PHLPP1: variants seen among roughly 807,000 people sequenced by gnomAD.
The protein encoded by PHLPP1 is PH domain leucine-rich repeat-containing protein phosphatase 1.
PHLPP1 carries 42 observed loss-of-function variants against 117.2 expected under a neutral mutation model. The ratio of observed to expected loss-of-function variants is 0.36; its 90% CI spans 0.28 to 0.46. The LOEUF (loss-of-function observed/expected upper bound fraction) is 0.46, where lower values mean the gene tolerates loss of function less well. Among genes scored for constraint, PHLPP1 ranks in the 20% least tolerant of loss-of-function variants. PHLPP1 has a pLI of 1.00. For missense variants in PHLPP1, 2,084 were observed against 2,241.9 expected, an observed-to-expected ratio of 0.93 and a Z score of 1.42; for synonymous variants, 1,042 against 970.7, an observed-to-expected ratio of 1.07 and a Z score of -1.37.
intron 1 of PHLPP1, among the ~76,000 whole-genome samples, chr18:62,773,884 T>C (rs1912871774): frequency 6.6e-6 from 1 of 152,214 alleles, no homozygotes; most frequent in South Asian, 2.1e-4. Flanking sequence ...GCCTGTTTCC[T>C]GGCTTATAGT....
chr18:62,857,081 T>G (rs1185232956), intron 3 of PHLPP1, among the ~76,000 whole-genome samples: 1 of 148,636 alleles, frequency 6.7e-6, no homozygotes, highest in African/African-American at 2.5e-5. Context: ...CTAGTAGATA[T>G]TCAGTAAACA....
intron 1 of PHLPP1, among the ~76,000 whole-genome samples, chr18:62,789,770 A>C (rs1014576925): frequency 2.0e-5 from 3 of 152,194 alleles, no homozygotes; most frequent in Non-Finnish European, 4.4e-5. Flanking sequence ...TGAGTGATGA[A>C]GGCAAGTAGT....
chr18:62,734,018 C>T (rs911461973), intron 1 of PHLPP1, among the ~76,000 whole-genome samples: 7 of 152,090 alleles, frequency 4.6e-5, no homozygotes, highest in African/African-American at 1.7e-4. Context: ...AGCAAATATT[C>T]GTTTTGATTT....
chr18:62,782,411 C>T lies in PHLPP1; in HGVS notation c.1577-47624C>T, dbSNP rs956734107. ...GATTTTTTAATTGGGTGGAATAATT[C>T]AGGGTTGCCACACAATATTATCACC... On this transcript the variant is annotated intron_variant, in intron 1 of 16. Transcript: ENST00000262719. 2.0e-5 allele frequency among the ~76,000 whole-genome samples: 3 copies of T among 152,154 alleles called. No homozygotes were observed. In the South Asian group the frequency reaches 6.2e-4, roughly 32 times the overall value.
In PHLPP1 at chr18:62,963,389, T is replaced by A. The variant is rs376948457; in HGVS notation, c.3477T>A (p.Ile1159=). 1.2e-6 allele frequency: 2 copies of A among 1,612,794 alleles called. No homozygotes were observed. Among genetic ancestry groups the A allele is most frequent in the Non-Finnish European group, 1.7e-6 (2 of 1,179,120 alleles). The change falls in exon 14 of 17, where the codon ATT becomes ATA. Residue 1159 remains isoleucine (I), a synonymous_variant. Coordinates refer to ENST00000262719, the MANE Select transcript of PHLPP1 (RefSeq NM_194449.4). ...TTAGTAATATCCGCTGTTTCAAGAT[T>A]GATCAGCCTTCTACAGGAGACGCTT... ...ELLNNIRCFK[I]DQPSTGDASG...
At chr18:62,931,269 A>G (rs1439014403) in intron 10 of PHLPP1, among the ~76,000 whole-genome samples, 2 of 152,186 alleles carry the variant, frequency 1.3e-5, no homozygotes, top group East Asian at 3.9e-4. Context: ...TGACTTTGGA[A>G]TAAACACAAA....
chr18:62,944,797 T>C (rs1860966665), intron 11 of PHLPP1, among the ~76,000 whole-genome samples: 1 of 152,206 alleles, frequency 6.6e-6, no homozygotes, highest in South Asian at 2.1e-4. Flanking sequence ...GTGTTTTCAT[T>C]AGTGTTCAGA....
At chr18:62,784,077 G>C (rs1316969127) in intron 1 of PHLPP1, among the ~76,000 whole-genome samples, 1 of 151,442 alleles carries the variant, frequency 6.6e-6, no homozygotes, top group Non-Finnish European at 1.5e-5. Context: ...AAGACGATGG[G>C]GAGTATTTTG....
intron 13 of PHLPP1, 56 bp downstream of exon 13, chr18:62,958,815 A>G: frequency 1.9e-6 from 3 of 1,590,220 alleles, no homozygotes; most frequent in South Asian, 1.1e-5. Flanking sequence ...AATGGGATTC[A>G]TATCTTAGTG....
At chr18:62,872,042 C>T (rs1915918754) in intron 4 of PHLPP1, among the ~76,000 whole-genome samples, 1 of 152,180 alleles carries the variant, frequency 6.6e-6, no homozygotes, top group Non-Finnish European at 1.5e-5. Flanking sequence ...GGAGGCAAAA[C>T]TTTACCCGTA....
chr18:62,852,873 A>G (rs796519975), intron 3 of PHLPP1, among the ~76,000 whole-genome samples: 19 of 152,212 alleles, frequency 1.2e-4, no homozygotes, highest in African/African-American at 3.6e-4. Context: ...CAAGAAGAGT[A>G]ATGGGAATGA....
intron 13 of PHLPP1, among the ~76,000 whole-genome samples, chr18:62,959,740 A>G (rs1359952586): frequency 2.6e-5 from 4 of 152,240 alleles, no homozygotes; most frequent in African/African-American, 4.8e-5. Flanking sequence ...CGTTAATACT[A>G]TCCTAGGCTG....
intron 8 of PHLPP1, 46 bp downstream of exon 8, chr18:62,905,330 A>T (rs1190445984): frequency 9.9e-7 from 1 of 1,006,762 alleles, no homozygotes; most frequent in Non-Finnish European, 1.4e-6. Flanking sequence ...CTAGAAAATT[A>T]TTTAGTAATT....
chr18:62,940,302 T>C (rs1910090678), intron 10 of PHLPP1, among the ~76,000 whole-genome samples: 1 of 138,522 alleles, frequency 7.2e-6, no homozygotes, highest in African/African-American at 2.5e-5. Context: ...TTACTTATCT[T>C]AGTTATAAAA....
In PHLPP1 at chr18:62,975,382, C is replaced by G; in HGVS notation, c.3756-15C>G. On this transcript the variant is annotated splice_polypyrimidine_tract_variant and intron_variant, in intron 15 of 16. Transcript: ENST00000262719. ...GGGCTGTGTTTGAGTGTCACCCCCT[C>G]TCTTCGGATTCCAGGAAACTTGGAA... The G allele has an allele frequency of 1.3e-6, 2 of 1,591,098 alleles. No homozygotes were observed. Among genetic ancestry groups the G allele is most frequent in the African/African-American group, 1.3e-5 (1 of 74,606 alleles).
chr18:62,978,496 C>T lies in PHLPP1; in HGVS notation c.4219C>T (p.Gln1407Ter). The T allele has an allele frequency of 6.2e-7, 1 of 1,608,900 alleles. No individual in the cohort carries two copies. The highest frequency in any genetic ancestry group is 8.5e-7 in the Non-Finnish European group (1 of 1,177,694). Reference sequence around the variant, plus strand: ...TGCCAAGAAGCTGTGTACCCTGGCCCAGAGCTACGGCTGCCACGACAGCAT... The same window carrying T: ...TGCCAAGAAGCTGTGTACCCTGGCCTAGAGCTACGGCTGCCACGACAGCAT... ...AAAKKLCTLA[Q>*]SYGCHDSISA... is the part of the protein sequence containing the mutation. The change falls in exon 17 of 17, where the codon CAG (glutamine) becomes TAG (stop). Residue 1407 changes from glutamine to a stop codon, truncating the protein, a stop_gained. Coordinates refer to ENST00000262719, the MANE Select transcript of PHLPP1 (RefSeq NM_194449.4). LOFTEE classifies it low-confidence loss of function (END_TRUNC). This position sits in a 1 kb window ranked among gnomAD's most constrained non-coding sequence, Gnocchi z 7.0.
At chr18:62,804,127 G>T (rs1470228111) in intron 1 of PHLPP1, among the ~76,000 whole-genome samples, 2 of 152,142 alleles carry the variant, frequency 1.3e-5, no homozygotes, top group Non-Finnish European at 2.9e-5. Flanking sequence ...TGAAGGAGAG[G>T]CAAGTACCTT....
At chr18:62,973,143 T>C (rs1394185512) in intron 15 of PHLPP1, among the ~76,000 whole-genome samples, 2 of 152,248 alleles carry the variant, frequency 1.3e-5, no homozygotes, top group African/African-American at 2.4e-5. Context: ...TTTGAGATAG[T>C]GCAAACCTTT....
At chr18:62,968,704 A>C (rs530677614) in intron 14 of PHLPP1, among the ~76,000 whole-genome samples, 62 of 151,460 alleles carry the variant, frequency 4.1e-4, no homozygotes, top group African/African-American at 1.4e-3. Context: ...CGCCCAGCTA[A>C]TTTTTTGTAT....
Sources: gnomAD v4.1 joint callset for allele counts (sites outside exome capture counted in the v4.1 genomes callset) on GRCh38, gnomAD v4.1.1 for gene constraint, Gnocchi (gnomAD v3.1) non-coding constraint, MANE v1.5 for transcripts, NCBI Gene and HGNC (gene_info 2026-07-23, HGNC 2026-07-21) for gene names.